AAR2: variants seen among roughly 807,000 people sequenced by gnomAD.
AAR2 encodes AAR2 splicing factor.
Under a neutral mutation model 26.9 loss-of-function variants are expected in AAR2, and 31 were observed. The ratio of observed to expected loss-of-function variants is 1.15; its 90% CI spans 0.86 to 1.55. The LOEUF is 1.55. Among genes scored for constraint, AAR2 ranks in the 40% most tolerant of loss-of-function variants. AAR2 has a pLI of 0.00. For missense variants in AAR2, 430 were observed against 491.3 expected (o/e 0.88, Z 1.18); for synonymous variants, 188 against 196.1 (o/e 0.96, Z 0.34).
intron 2 of AAR2, 58 bp from the exon 3 acceptor site, chr20:36,244,638 GA>G: frequency 6.6e-7 from 1 of 1,515,272 alleles, no homozygotes; most frequent in African/African-American, 1.4e-5. Flanking sequence ...AATAGTGATG[GA>G]GAGTGTCAGC....
At chr20:36,255,034 G>A (rs116964908) in intron 3 of AAR2, among the ~76,000 whole-genome samples, 3,638 of 152,236 alleles carry the variant, frequency 0.024, 57 homozygotes, top group Middle Eastern at 0.041. Flanking sequence ...TCATAAAGTC[G>A]AAGTGTCATA....
chr20:36,242,936 C>T (rs924857526), intron 2 of AAR2, among the ~76,000 whole-genome samples: 15 of 148,410 alleles, frequency 1.0e-4, no homozygotes, highest in African/African-American at 3.8e-4. Context: ...CAACTCACTG[C>T]AGCCTCAACC....
rs142811213 is a variant in AAR2, at chr20:36,240,079, G to C, written c.211G>C (p.Val71Leu). ...SSVDKANPKE[V>L]GPRMGFFLSL... Reference sequence around the variant, plus strand: ...TGTGGACAAGGCTAATCCGAAGGAAGTAGGCCCTCGTATGGGTTTCTTCCT... The same window carrying C: ...TGTGGACAAGGCTAATCCGAAGGAACTAGGCCCTCGTATGGGTTTCTTCCT... The change falls in exon 2 of 4, where the codon GTA becomes CTA. Residue 71 changes from valine to leucine, a missense_variant. Transcript: ENST00000320849. 1.5e-5 allele frequency: 25 copies of C among 1,614,106 alleles called. No homozygotes were observed. Among genetic ancestry groups the C allele is most frequent in the Non-Finnish European group, 2.1e-5 (25 of 1,180,044 alleles).
chr20:36,239,729 G>A (rs2064654933), intron 1 of AAR2, 92 bp from the exon 2 acceptor site: 1 of 974,436 alleles, frequency 1.0e-6, no homozygotes, highest in Admixed American at 2.9e-5. Flanking sequence ...TATGTCAGGG[G>A]TCTAACTCAA....
At chr20:36,244,283 C>G (rs2064712192) in intron 2 of AAR2, among the ~76,000 whole-genome samples, 1 of 152,214 alleles carries the variant, frequency 6.6e-6, no homozygotes, top group African/African-American at 2.4e-5. Flanking sequence ...CATCATCTCT[C>G]CTCCACCAGA....
At chr20:36,240,835 A>G (rs1469304583) in intron 2 of AAR2, among the ~76,000 whole-genome samples, 1 of 152,186 alleles carries the variant, frequency 6.6e-6, no homozygotes, top group Non-Finnish European at 1.5e-5. Context: ...TGTCTAATAA[A>G]CAAACATCCT....
chr20:36,250,728 G>A (rs991805133), intron 3 of AAR2, among the ~76,000 whole-genome samples: 34 of 152,034 alleles, frequency 2.2e-4, no homozygotes, highest in African/African-American at 6.5e-4. Flanking sequence ...AAATTTATAC[G>A]CACCTTCAAA....
At chr20:36,244,569 G>A (rs1208200488) in intron 2 of AAR2, 128 bp from the exon 3 acceptor site, 3 of 844,194 alleles carry the variant, frequency 3.6e-6, no homozygotes, top group African/African-American at 3.3e-5. Flanking sequence ...GGCTCTGCAG[G>A]AGTGACAAGG....
intron 1 of AAR2, among the ~76,000 whole-genome samples, chr20:36,237,928 G>A (rs555090097): frequency 3.7e-4 from 56 of 151,748 alleles, no homozygotes; most frequent in South Asian, 2.5e-3. Flanking sequence ...GACTACTGGC[G>A]CACACCACCA....
At chr20:36,250,037 A>C (rs1422683312) in intron 3 of AAR2, among the ~76,000 whole-genome samples, 1 of 152,236 alleles carries the variant, frequency 6.6e-6, no homozygotes, top group Non-Finnish European at 1.5e-5. Context: ...GAATTGAAAA[A>C]ATTAGGAAAT....
chr20:36,244,868 C>A lies in AAR2; in HGVS notation c.929C>A (p.Pro310His). 1 of 1,614,168 alleles carries A rather than the reference C, an allele frequency of 6.2e-7. No individual in the cohort carries two copies. The highest frequency in any genetic ancestry group is 8.5e-7 in the Non-Finnish European group (1 of 1,180,036). ...SILYHQLGEI[P>H]ADFFVDIVSQ... is the part of the protein sequence containing the mutation. Reference sequence around the variant, plus strand: ...CTGTACCACCAGCTTGGTGAGATCCCCGCTGACTTCTTCGTAGACATTGTC... The same window carrying A: ...CTGTACCACCAGCTTGGTGAGATCCACGCTGACTTCTTCGTAGACATTGTC... Residue 310 changes from proline to histidine, a missense_variant, in exon 3 of 4, where the codon CCC becomes CAC. By Grantham distance (77) the Pro-to-His change is moderately conservative (BLOSUM62 -2). Coordinates refer to ENST00000320849, the MANE Select transcript of AAR2 (RefSeq NM_001271874.2).
intron 2 of AAR2, among the ~76,000 whole-genome samples, chr20:36,244,169 G>A (rs1297139543): frequency 6.6e-6 from 1 of 152,182 alleles, no homozygotes; most frequent in Non-Finnish European, 1.5e-5. Flanking sequence ...TGTGGAGTTG[G>A]GCTGAGGGTT....
chr20:36,243,814 TTGAG>T (rs2064707174), intron 2 of AAR2, among the ~76,000 whole-genome samples: 1 of 152,222 alleles, frequency 6.6e-6, no homozygotes, highest in South Asian at 2.1e-4. Flanking sequence ...CCTTAATAGA[TTGAG>T]TAACTTGCCC....
intron 3 of AAR2, among the ~76,000 whole-genome samples, chr20:36,251,063 G>A (rs984769897): frequency 1.3e-5 from 2 of 152,064 alleles, no homozygotes; most frequent in Non-Finnish European, 2.9e-5. Flanking sequence ...TAGGCATGGT[G>A]GCATGTACCT....
Position 36,256,000 on chromosome 20 carries a change from G to GA in AAR2, c.*255_*256insA. 1 of 500,534 alleles carries GA rather than the reference G, an allele frequency of 2.0e-6. No individual in the cohort carries two copies. The allele number at this position is 500,534 out of a possible 1,614,324, so 31.0% of individuals were successfully genotyped here. On this transcript the variant is annotated 3_prime_UTR_variant, in exon 4 of 4. Coordinates refer to ENST00000320849, the MANE Select transcript of AAR2 (RefSeq NM_001271874.2). Reference sequence around the variant, plus strand: ...TGCTAACCTGGCTGAATTTCACACAGGCTCTTACACACACACGCTCCTAGG... The same window carrying GA: ...TGCTAACCTGGCTGAATTTCACACAGAGCTCTTACACACACACGCTCCTAGG...
Position 36,256,227 on chromosome 20 carries a change from T to A in AAR2, c.*482T>A, listed in dbSNP as rs2064820588. 2.0e-5 allele frequency: 3 copies of A among 152,918 alleles called. No homozygotes were observed. The allele number at this position is 152,918 out of a possible 1,614,324, so 9.5% of individuals were successfully genotyped here. On this transcript the variant is annotated 3_prime_UTR_variant, in exon 4 of 4. Coordinates refer to ENST00000320849, the MANE Select transcript of AAR2 (RefSeq NM_001271874.2). ...GGGGAGATCAGCCCGAATTGCCGCC[T>A]GCCTCTTGCTAAATAGGAGCAGAGG...
intron 2 of AAR2, among the ~76,000 whole-genome samples, chr20:36,243,332 T>C (rs2064702428): frequency 6.6e-6 from 1 of 152,236 alleles, no homozygotes; most frequent in African/African-American, 2.4e-5. Flanking sequence ...AAAGAAAATT[T>C]GACTATATTT....
At chr20:36,250,655 G>T (rs986001583) in intron 3 of AAR2, among the ~76,000 whole-genome samples, 1 of 152,116 alleles carries the variant, frequency 6.6e-6, no homozygotes, top group Non-Finnish European at 1.5e-5. Flanking sequence ...CTAAGGGGCC[G>T]CACAAGGGAG....
At chr20:36,238,837 G>A (rs1429185478) in intron 1 of AAR2, among the ~76,000 whole-genome samples, 1 of 151,998 alleles carries the variant, frequency 6.6e-6, no homozygotes, top group Non-Finnish European at 1.5e-5. Flanking sequence ...TGGCTAGATT[G>A]GAATTGCCTA....
Sources: allele counts gnomAD v4.1 joint callset (sites outside exome capture counted in the v4.1 genomes callset), GRCh38; gene constraint gnomAD v4.1.1; transcripts MANE v1.5; gene names NCBI Gene and HGNC (gene_info 2026-07-23, HGNC 2026-07-21).